PTPRG: variants seen among roughly 807,000 people sequenced by gnomAD.
The protein encoded by PTPRG is protein tyrosine phosphatase receptor type G, also known as receptor-type tyrosine-protein phosphatase gamma.
PTPRG carries 102 observed loss-of-function variants against 165.3 expected under a neutral mutation model. The ratio of observed to expected loss-of-function variants is 0.62; its 90% confidence interval spans 0.53 to 0.73. The LOEUF is 0.73. Ranked by LOEUF, PTPRG falls within the 30% of genes least tolerant of loss-of-function variation. The pLI, the probability that PTPRG is intolerant of heterozygous loss-of-function variation, is 0.00. For synonymous variants in PTPRG, 675 were observed against 669.5 expected, an observed-to-expected ratio of 1.01 and a Z score of -0.13; for missense variants, 1,866 against 1,861.4, an observed-to-expected ratio of 1.00 and a Z score of -0.05.
chr3:62,093,633 A>T (rs1702016753), intron 5 of PTPRG, among the ~76,000 whole-genome samples: 1 of 152,194 alleles, frequency 6.6e-6, no homozygotes, highest in Non-Finnish European at 1.5e-5. Context: ...AGCATGTGGA[A>T]CAAGGCCTGC....
chr3:62,133,753 A>C (rs1217007287), intron 6 of PTPRG, among the ~76,000 whole-genome samples: 1 of 152,094 alleles, frequency 6.6e-6, no homozygotes, highest in Non-Finnish European at 1.5e-5. Flanking sequence ...GGGAGGCCGA[A>C]GTGGGTGGAT....
At chr3:61,839,557 G>A (rs188771125) in intron 2 of PTPRG, among the ~76,000 whole-genome samples, 3 of 152,270 alleles carry the variant, frequency 2.0e-5, no homozygotes, top group Admixed American at 2.0e-4. Flanking sequence ...TCAGAGTTGG[G>A]ACTTGAACTG....
intron 5 of PTPRG, among the ~76,000 whole-genome samples, chr3:62,104,248 A>G (rs1702395955): frequency 6.6e-6 from 1 of 152,190 alleles, no homozygotes; most frequent in South Asian, 2.1e-4. Flanking sequence ...GGACTCAGGC[A>G]CAGTGTCATG....
Position 61,821,540 on chromosome 3 carries a change from G to A in PTPRG, c.190+72558G>A, listed in dbSNP as rs555932010. Among the ~76,000 whole-genome samples the A allele has an allele frequency of 9.8e-5, 15 of 152,310 alleles. No homozygotes were observed. The South Asian group carries it at 3.1e-3, about 32-fold the overall frequency. On this transcript the variant is annotated intron_variant, in intron 2 of 29. Coordinates refer to ENST00000474889, the MANE Select transcript of PTPRG (RefSeq NM_002841.4). Reference sequence around the variant, plus strand: ...ATTTCTTAATCCTTTATGGGAAATAGTATTTCTTTCGTTTTGCATGCCAGA... The same window carrying A: ...ATTTCTTAATCCTTTATGGGAAATAATATTTCTTTCGTTTTGCATGCCAGA...
At chr3:61,859,153 T>A (rs1215951380) in intron 2 of PTPRG, among the ~76,000 whole-genome samples, 2 of 152,336 alleles carry the variant, frequency 1.3e-5, no homozygotes, top group East Asian at 1.9e-4. Flanking sequence ...TTTCAAAGTA[T>A]ATGTGCTTTA....
intron 2 of PTPRG, among the ~76,000 whole-genome samples, chr3:61,878,046 T>A (rs1277677812): frequency 6.6e-6 from 1 of 152,162 alleles, no homozygotes; most frequent in Admixed American, 6.5e-5. Flanking sequence ...AAATTTGGGA[T>A]TTTTTGTATG....
At chr3:61,643,138 A>G (rs1030335528) in intron 1 of PTPRG, among the ~76,000 whole-genome samples, 1 of 152,184 alleles carries the variant, frequency 6.6e-6, no homozygotes, top group Non-Finnish European at 1.5e-5. Context: ...CTACAGATTA[A>G]AGAATTTGAG....
chr3:61,642,458 T>C (rs1237887789), intron 1 of PTPRG, among the ~76,000 whole-genome samples: 3 of 152,168 alleles, frequency 2.0e-5, no homozygotes, highest in Non-Finnish European at 4.4e-5. Context: ...GGAAAGCAAC[T>C]GAAGAGTGAT....
chr3:62,164,005 C>T (rs1025668460), intron 7 of PTPRG, among the ~76,000 whole-genome samples: 22 of 152,180 alleles, frequency 1.4e-4, no homozygotes, highest in Admixed American at 4.6e-4. Flanking sequence ...AAGTATTGAA[C>T]GGAGACATTA....
In PTPRG at chr3:61,718,015, A is replaced by T. The variant is rs188086768; in HGVS notation, c.86-30863A>T. Among the ~76,000 whole-genome samples, 554 of 151,476 alleles carry T rather than the reference A, an allele frequency of 3.7e-3. 3 individuals are homozygous for T. Among genetic ancestry groups the T allele is most frequent in the Non-Finnish European group, 4.1e-3 (281 of 67,882 alleles). On this transcript the variant is annotated intron_variant, in intron 1 of 29. Coordinates refer to ENST00000474889, the MANE Select transcript of PTPRG (RefSeq NM_002841.4). ...GCCAACATGGTGAAACCCTGTCTCT[A>T]CTAAAAATAAAAAAATTAGCCGGGC...
intron 3 of PTPRG, among the ~76,000 whole-genome samples, chr3:61,990,758 C>G (rs948689614): frequency 1.3e-5 from 2 of 151,996 alleles, no homozygotes; most frequent in South Asian, 2.1e-4. Flanking sequence ...TAAAGTGAAC[C>G]CTTTGTAACC....
At chr3:61,892,670 G>T (rs2038245814) in intron 2 of PTPRG, among the ~76,000 whole-genome samples, 1 of 152,168 alleles carries the variant, frequency 6.6e-6, no homozygotes, top group Middle Eastern at 3.4e-3. Context: ...TACAAAATTA[G>T]CCGGGTGTGG....
intron 2 of PTPRG, among the ~76,000 whole-genome samples, chr3:61,814,809 C>T (rs2035705678): frequency 6.6e-6 from 1 of 151,368 alleles, no homozygotes; most frequent in African/African-American, 2.4e-5. Context: ...AATGTCGTTG[C>T]ATGGCTGCTT....
intron 15 of PTPRG, among the ~76,000 whole-genome samples, chr3:62,247,795 C>T (rs962709504): frequency 2.0e-5 from 3 of 152,062 alleles, no homozygotes; most frequent in Non-Finnish European, 2.9e-5. Flanking sequence ...CCAAAGCATA[C>T]GTGGAATCAG....
intron 1 of PTPRG, among the ~76,000 whole-genome samples, chr3:61,709,542 T>C (rs2031445813): frequency 1.3e-5 from 2 of 152,174 alleles, no homozygotes; most frequent in South Asian, 2.1e-4. Context: ...CTCAAACTTA[T>C]GACCTCAGGT....
chr3:61,744,198 C>T (rs2033108491), intron 1 of PTPRG, among the ~76,000 whole-genome samples: 1 of 152,012 alleles, frequency 6.6e-6, no homozygotes, highest in Non-Finnish European at 1.5e-5. Context: ...GACTGCTGTT[C>T]AAATAATAGT....
chr3:61,820,237 A>G (rs540363029), intron 2 of PTPRG, among the ~76,000 whole-genome samples: 3 of 152,296 alleles, frequency 2.0e-5, no homozygotes, highest in South Asian at 4.1e-4. Flanking sequence ...AGGAGAGCCA[A>G]TGGTGTAAAT....
At chr3:61,731,642 C>T (rs1216370513) in intron 1 of PTPRG, among the ~76,000 whole-genome samples, 1 of 151,768 alleles carries the variant, frequency 6.6e-6, no homozygotes, top group Non-Finnish European at 1.5e-5. Flanking sequence ...CCACTGTGCC[C>T]AGTCAGAAGC....
rs200002839 is a variant in PTPRG, at chr3:61,748,878, C to A, written c.86C>A (p.Ala29Glu). Residue 29 changes from alanine to glutamate, a missense_variant and splice_region_variant, in exon 2 of 30, where the codon GCG (alanine) becomes GAG (glutamate). Physicochemically the swap from Ala to Glu is moderately radical, Grantham distance 107. This residue lies in a region of PTPRG where 408 missense variants were observed against 376.2 expected (regional missense o/e 1.08). Coordinates refer to ENST00000474889, the MANE Select transcript of PTPRG (RefSeq NM_002841.4). ...SVLHYVVCFP[A>E]LTEGYVGALH... Reference sequence around the variant, plus strand: ...CATTGTGGGTTTTCCTCTCTTCCAGCGTTGACAGAAGGCTACGTTGGGGCC... The same window carrying A: ...CATTGTGGGTTTTCCTCTCTTCCAGAGTTGACAGAAGGCTACGTTGGGGCC... 4 of 1,612,858 alleles carry A rather than the reference C, an allele frequency of 2.5e-6. No homozygotes were observed. Among genetic ancestry groups the A allele is most frequent in the East Asian group, 2.2e-5 (1 of 44,864 alleles).
Sources: gnomAD v4.1 joint callset for allele counts (sites outside exome capture counted in the v4.1 genomes callset) on GRCh38, gnomAD v4.1.1 for gene constraint, gnomAD v4.1.1 regional missense constraint, MANE v1.5 for transcripts, NCBI Gene and HGNC (gene_info 2026-07-23, HGNC 2026-07-21) for gene names.